Variants in FOXM1 observed in about 807,000 individuals in gnomAD.
FOXM1 encodes forkhead box M1.
In FOXM1, 25 loss-of-function variants were observed where a neutral mutation model predicts 63.6. That is an observed-to-expected ratio of 0.39 (90% CI 0.29 to 0.55). The LOEUF is 0.55. FOXM1 is among the 20% of genes least tolerant of loss of function. The pLI is 0.60. For synonymous variants in FOXM1, 387 were observed against 376.9 expected (o/e 1.03, Z -0.31); for missense variants, 879 against 958.7 (o/e 0.92, Z 1.10).
intron 3 of FOXM1, among the ~76,000 whole-genome samples, chr12:2,869,550 T>A (rs2098129286): frequency 1.3e-5 from 2 of 151,204 alleles, no homozygotes; most frequent in Admixed American, 1.3e-4. Context: ...ATTCTCCTGC[T>A]GCAGCCTCCC....
intron 3 of FOXM1, among the ~76,000 whole-genome samples, chr12:2,870,699 G>A (rs367845342): frequency 6.9e-4 from 105 of 151,530 alleles, no homozygotes; most frequent in Middle Eastern, 6.9e-3. Flanking sequence ...AGTGGCTCAC[G>A]CCTGTAATCC....
intron 3 of FOXM1, among the ~76,000 whole-genome samples, chr12:2,869,905 T>C (rs1290018535): frequency 6.6e-6 from 1 of 151,406 alleles, no homozygotes; most frequent in African/African-American, 2.4e-5. Flanking sequence ...ATTTTTAAAA[T>C]TGGAGATATT....
At position 2,872,535 on chromosome 12, in the gene FOXM1, G is replaced by T. The variant is rs1276694125; in HGVS notation, c.503-288C>A. ...GAGACAGGAGAATTGCTCGAACCCGGGAGACGAAGGCTGCAGTGAGCCAAC... is the reference window on the plus strand; with the variant it reads ...GAGACAGGAGAATTGCTCGAACCCGTGAGACGAAGGCTGCAGTGAGCCAAC... On this transcript the variant is annotated intron_variant, in intron 2 of 8. Transcript: ENST00000359843. The surrounding 1 kb of genome is among the most constrained non-coding windows in gnomAD (Gnocchi z 4.0). 6.6e-6 allele frequency among the ~76,000 whole-genome samples: 1 copy of T among 152,126 alleles called. No individual in the cohort carries two copies. Among genetic ancestry groups the T allele is most frequent in the African/African-American group, 2.4e-5 (1 of 41,422 alleles).
Position 2,872,388 on chromosome 12 carries a change from T to A in FOXM1, c.503-141A>T. On this transcript the variant is annotated intron_variant, in intron 2 of 8. Transcript: ENST00000359843. The surrounding 1 kb of genome is among the most constrained non-coding windows in gnomAD (Gnocchi z 4.0). ...ACTTTGGGAGGGCGAGGCGGGTGGA[T>A]CTCCTGAGGTCAGGAGTTCAAGACC... is the stretch of plus-strand genomic sequence containing the variant. 1 of 752,576 alleles carries A rather than the reference T, an allele frequency of 1.3e-6. No homozygotes were observed. The highest frequency in any genetic ancestry group is 2.2e-6 in the Non-Finnish European group (1 of 464,696). 46.6% of individuals were successfully genotyped at this position (752,576 alleles called of 1,614,324 possible). A position where few individuals can be genotyped will look rare whatever the true frequency, so the allele number is the denominator to read the frequency against.
intron 3 of FOXM1, among the ~76,000 whole-genome samples, chr12:2,871,039 G>C (rs2098132460): frequency 6.6e-6 from 1 of 151,080 alleles, no homozygotes. Context: ...TAGACACCAG[G>C]GCCTTCTTGA....
chr12:2,872,080 G>A lies in FOXM1; in HGVS notation c.654+16C>T. The A allele has an allele frequency of 6.2e-7, 1 of 1,613,808 alleles. No homozygotes were observed. Among genetic ancestry groups the A allele is most frequent in the South Asian group, 1.1e-5 (1 of 91,082 alleles). ...CACTGGATCTGATTTCTTTAGTGAG[G>A]GACGGAACAATTCACCTTAACCTGT... On this transcript the variant is annotated intron_variant, in intron 3 of 8. Coordinates refer to ENST00000359843, the MANE Select transcript of FOXM1 (RefSeq NM_021953.4). This position sits in a 1 kb window ranked among gnomAD's most constrained non-coding sequence, Gnocchi z 4.0.
intron 2 of FOXM1, among the ~76,000 whole-genome samples, chr12:2,873,547 C>A (rs971275027): frequency 1.3e-5 from 2 of 151,298 alleles, no homozygotes; most frequent in African/African-American, 2.4e-5. Flanking sequence ...ACCCCTTCTT[C>A]ATTTATTTAT....
Position 2,865,418 on chromosome 12 carries a change from T to A in FOXM1, c.976-19A>T. Reference sequence around the variant, plus strand: ...CCAGTGGCTGGTGGCGGCCAGGCATTGTGGGAGAGAAATGAGATGAAGTTA... The same window carrying A: ...CCAGTGGCTGGTGGCGGCCAGGCATAGTGGGAGAGAAATGAGATGAAGTTA... On this transcript the variant is annotated intron_variant, in intron 5 of 8. Coordinates refer to ENST00000359843, the MANE Select transcript of FOXM1 (RefSeq NM_021953.4). 6.2e-7 allele frequency: 1 copy of A among 1,607,676 alleles called. No homozygotes were observed. Among genetic ancestry groups the A allele is most frequent in the Non-Finnish European group, 8.5e-7 (1 of 1,176,656 alleles).
Position 2,858,074 on chromosome 12 carries a change from A to G in FOXM1, c.*564T>C, listed in dbSNP as rs2098094656. ...GGGCAAAAAGGACTCTGGCAAGCAGATCCACTTGTCTGGGTCCCTGCAGTG... is the reference window on the plus strand; with the variant it reads ...GGGCAAAAAGGACTCTGGCAAGCAGGTCCACTTGTCTGGGTCCCTGCAGTG... On this transcript the variant is annotated 3_prime_UTR_variant, in exon 9 of 9. Coordinates refer to ENST00000359843, the MANE Select transcript of FOXM1 (RefSeq NM_021953.4). The G allele has an allele frequency of 6.5e-6, 1 of 152,690 alleles. No individual in the cohort carries two copies. The highest frequency in any genetic ancestry group is 6.5e-5 in the Admixed American group (1 of 15,274). The allele number at this position is 152,690 out of a possible 1,614,324, so 9.5% of individuals were successfully genotyped here.
At position 2,865,308 on chromosome 12, in the gene FOXM1, G is replaced by C. The variant is rs765200556; in HGVS notation, c.1020+47C>G. On this transcript the variant is annotated intron_variant, in intron 6 of 8. Transcript: ENST00000359843. ...GTCCACTAAAGCCATGCTGAGCAGT[G>C]AAAGGAAAACAAGGCCAAGCCCCGA... The C allele has an allele frequency of 7.8e-6, 12 of 1,546,248 alleles. No homozygotes were observed. The East Asian group carries it at 2.7e-4, about 35-fold the overall frequency.
Position 2,858,644 on chromosome 12 carries a change from T to C in FOXM1, c.2286A>G (p.Leu762=). The C allele has an allele frequency of 1.2e-6, 2 of 1,613,636 alleles. No homozygotes were observed. Among genetic ancestry groups the C allele is most frequent in the Non-Finnish European group, 1.7e-6 (2 of 1,179,762 alleles). Residue 762 remains leucine, a synonymous_variant, in exon 9 of 9, where the codon CTA becomes CTG. Coordinates refer to ENST00000359843, the MANE Select transcript of FOXM1 (RefSeq NM_021953.4). ...CAGGGGCAAGGGCAGGGCTCTACTG[T>C]AGCTCAGGAATAAACTGGGACCAGT... ...NINWSQFIPE[L]Q
At position 2,859,538 on chromosome 12, in the gene FOXM1, G is replaced by C; in HGVS notation, c.1392C>G (p.Ile464Met). The C allele has an allele frequency of 6.2e-7, 1 of 1,614,048 alleles. No individual in the cohort carries two copies. Among genetic ancestry groups the C allele is most frequent in the Non-Finnish European group, 8.5e-7 (1 of 1,179,982 alleles). Reference protein sequence around the residue: ...LPVQTIKEEEIQPGEEMPHLA... With the variant: ...LPVQTIKEEEMQPGEEMPHLA... ...AGTGTGGCATTTCCTCCCCAGGCTGGATTTCTTCCTCCTTGATAGTCTGAA... is the reference window on the plus strand; with the variant it reads ...AGTGTGGCATTTCCTCCCCAGGCTGCATTTCTTCCTCCTTGATAGTCTGAA... The change falls in exon 9 of 9, where the codon ATC becomes ATG. Residue 464 changes from isoleucine to methionine, a missense_variant. This residue lies in a region of FOXM1 where 486 missense variants were observed against 453.5 expected (regional missense o/e 1.07). Transcript: ENST00000359843.
Position 2,858,515 on chromosome 12 carries a change from G to T in FOXM1, c.*123C>A. ...ACTGCTACTTTTGCATAATCAGGCA[G>T]CAGGGAGCTATGAGGAGCAGAACAG... On this transcript the variant is annotated 3_prime_UTR_variant, in exon 9 of 9. Transcript: ENST00000359843. 1 of 794,346 alleles carries T rather than the reference G, an allele frequency of 1.3e-6. No homozygotes were observed. Among genetic ancestry groups the T allele is most frequent in the Non-Finnish European group, 2.0e-6 (1 of 511,084 alleles). 49.2% of individuals were successfully genotyped at this position (794,346 alleles called of 1,614,324 possible).
chr12:2,864,149 A>G lies in FOXM1; in HGVS notation c.1266+171T>C, dbSNP rs747011538. 3 of 635,850 alleles carry G rather than the reference A, an allele frequency of 4.7e-6. No individual in the cohort carries two copies. Among genetic ancestry groups the G allele is most frequent in the Non-Finnish European group, 8.2e-6 (3 of 364,140 alleles). The allele number at this position is 635,850 out of a possible 1,614,324, so 39.4% of individuals were successfully genotyped here. ...TGACACCACTTACATTGTAATCCAA[A>G]TACCTTTTTAGCTCTTCTAATGCTA... is the stretch of plus-strand genomic sequence containing the variant. On this transcript the variant is annotated intron_variant, in intron 8 of 8. Coordinates refer to ENST00000359843, the MANE Select transcript of FOXM1 (RefSeq NM_021953.4). This position sits in a 1 kb window ranked among gnomAD's most constrained non-coding sequence, Gnocchi z 5.1.
In FOXM1 at chr12:2,872,016, C is replaced by G. The variant is rs921484336; in HGVS notation, c.654+80G>C. 79 of 1,466,214 alleles carry G rather than the reference C, an allele frequency of 5.4e-5. 1 individual carries two copies. The South Asian group carries it at 8.3e-4, about 15-fold the overall frequency. 90.8% of individuals were successfully genotyped at this position (1,466,214 alleles called of 1,614,324 possible). ...CCAGAACTTGGAAATTCTGGTCCAT[C>G]AGGCCACTTGATCCATTTCCCTACC... On this transcript the variant is annotated intron_variant, in intron 3 of 8. Transcript: ENST00000359843. The surrounding 1 kb of genome is among the most constrained non-coding windows in gnomAD (Gnocchi z 4.0).
chr12:2,861,132 C>T (rs575248524), intron 8 of FOXM1, among the ~76,000 whole-genome samples: 3 of 147,936 alleles, frequency 2.0e-5, no homozygotes, highest in East Asian at 4.0e-4. Context: ...CACGCCACTG[C>T]ACTCCAGCCT....
intron 3 of FOXM1, among the ~76,000 whole-genome samples, chr12:2,870,667 G>C (rs1219965243): frequency 7.2e-6 from 1 of 138,754 alleles, no homozygotes. Flanking sequence ...GTCTCAAAAA[G>C]AAAAAAAAAG....
Position 2,877,168 on chromosome 12 carries a change from G to A in FOXM1, c.-296C>T, listed in dbSNP as rs903258842. 6.6e-6 allele frequency: 1 copy of A among 152,230 alleles called. No individual in the cohort carries two copies. The highest frequency in any genetic ancestry group is 1.5e-5 in the Non-Finnish European group (1 of 68,038). 9.4% of individuals were successfully genotyped at this position (152,230 alleles called of 1,614,324 possible). On this transcript the variant is annotated 5_prime_UTR_variant, in exon 1 of 9. Coordinates refer to ENST00000359843, the MANE Select transcript of FOXM1 (RefSeq NM_021953.4). ...CCGCTGTTTGAAATTGGCGCCGGCG[G>A]AGCGTTAAGGTCACGTGACGGAACG...
chr12:2,861,760 A>T (rs1024158930), intron 8 of FOXM1, among the ~76,000 whole-genome samples: 5 of 152,212 alleles, frequency 3.3e-5, no homozygotes, highest in Admixed American at 6.5e-5. Context: ...ATCTGTCCAT[A>T]AAAGTGGAAT....
Sources: gnomAD v4.1 joint callset for allele counts (sites outside exome capture counted in the v4.1 genomes callset) on GRCh38, gnomAD v4.1.1 for gene constraint, gnomAD v4.1.1 regional missense constraint, Gnocchi (gnomAD v3.1) non-coding constraint, MANE v1.5 for transcripts, NCBI Gene and HGNC (gene_info 2026-07-23, HGNC 2026-07-21) for gene names.